Variants in BIVM observed in about 807,000 individuals in gnomAD.
BIVM encodes basic immunoglobulin-like variable motif-containing protein.
Under a neutral mutation model 61.4 loss-of-function variants are expected in BIVM, and 31 were observed. That is an observed-to-expected ratio of 0.51 (90% CI 0.38 to 0.68). The LOEUF (loss-of-function observed/expected upper bound fraction) is 0.68. Among genes scored for constraint, BIVM ranks in the 30% least tolerant of loss-of-function variants. The pLI, the probability that BIVM is intolerant of heterozygous loss-of-function variation, is 0.00. For synonymous variants in BIVM, 189 were observed against 210.7 expected, an observed-to-expected ratio of 0.90 and a Z score of 0.89; for missense variants, 526 against 596.0, an observed-to-expected ratio of 0.88 and a Z score of 1.22.
At chr13:102,799,792 G>A (rs529772891) in intron 1 of BIVM, among the ~76,000 whole-genome samples, 2 of 152,362 alleles carry the variant, frequency 1.3e-5, no homozygotes, top group Middle Eastern at 3.4e-3. Context: ...TGTCGCGGGG[G>A]GAAGAGAAGC....
intron 3 of BIVM, among the ~76,000 whole-genome samples, chr13:102,816,136 TG>T (rs1168857556): frequency 6.6e-6 from 1 of 152,218 alleles, no homozygotes; most frequent in Non-Finnish European, 1.5e-5. Context: ...GCTCTGGAAT[TG>T]GAGTATAAGA....
Position 102,816,426 on chromosome 13 carries a change from A to G in BIVM, c.479-2A>G. 1 of 1,575,842 alleles carries G rather than the reference A, an allele frequency of 6.3e-7. No individual in the cohort carries two copies. The highest frequency in any genetic ancestry group is 8.6e-7 in the Non-Finnish European group (1 of 1,166,798). On this transcript the variant is annotated splice_acceptor_variant, in intron 3 of 10. Coordinates refer to ENST00000257336, the MANE Select transcript of BIVM (RefSeq NM_017693.4). LOFTEE classifies it high-confidence loss of function. ...TGCTTATTTTATACTCTTGTATTCTAGGCAATGCAAAGAAACAAGTTTCCA... is the reference window on the plus strand; with the variant it reads ...TGCTTATTTTATACTCTTGTATTCTGGGCAATGCAAAGAAACAAGTTTCCA...
At chr13:102,816,842 C>T (rs559161156) in intron 4 of BIVM, 21 of 172,894 alleles carry the variant, frequency 1.2e-4, no homozygotes, top group African/African-American at 4.5e-4. Context: ...TAGTTAAATA[C>T]TTAGCTTTTC....
At chr13:102,837,329 C>T (rs1881546613) in intron 9 of BIVM, among the ~76,000 whole-genome samples, 1 of 152,130 alleles carries the variant, frequency 6.6e-6, no homozygotes, top group Non-Finnish European at 1.5e-5. Context: ...GACATCATAA[C>T]AACATGGACT....
chr13:102,807,313 G>A lies in BIVM; in HGVS notation c.46G>A (p.Gly16Ser), dbSNP rs779627676. The A allele has an allele frequency of 3.1e-6, 5 of 1,613,566 alleles. No individual in the cohort carries two copies. In the South Asian group the frequency reaches 5.5e-5, roughly 18 times the overall value. Residue 16 changes from glycine (G) to serine (S), a missense_variant, in exon 3 of 11, where the codon GGT becomes AGT. This residue lies in a region of BIVM where 312 missense variants were observed against 343.8 expected (regional missense o/e 0.91). Transcript: ENST00000257336. This position sits in a 1 kb window ranked among gnomAD's most constrained non-coding sequence, Gnocchi z 4.0. ...ETERSNDSGNGEHKSERKSPE... is the reference protein window; with the variant it reads ...ETERSNDSGNSEHKSERKSPE... ...AGAAAGGTCAAATGATTCTGGAAAT[G>A]GTGAGCACAAATCTGAGAGAAAGTC...
At chr13:102,809,824 CG>C (rs1485512552) in intron 3 of BIVM, among the ~76,000 whole-genome samples, 1 of 146,986 alleles carries the variant, frequency 6.8e-6, no homozygotes, top group Admixed American at 6.9e-5. Context: ...CTCGCTCTGT[CG>C]CCCAGGCTGG....
intron 9 of BIVM, among the ~76,000 whole-genome samples, chr13:102,837,623 G>T (rs73588058): frequency 1.3e-5 from 2 of 152,114 alleles, no homozygotes; most frequent in African/African-American, 4.8e-5. Flanking sequence ...GGTACAATTC[G>T]CAGTTGCAAA....
intron 9 of BIVM, among the ~76,000 whole-genome samples, chr13:102,836,943 G>A (rs944111016): frequency 2.6e-5 from 4 of 152,146 alleles, no homozygotes; most frequent in Non-Finnish European, 5.9e-5. Context: ...TTTAGAATTT[G>A]TCCTTTTAAT....
intron 1 of BIVM, among the ~76,000 whole-genome samples, chr13:102,804,804 A>G (rs1476378738): frequency 6.6e-6 from 1 of 152,216 alleles, no homozygotes; most frequent in Non-Finnish European, 1.5e-5. Context: ...CTTTAAAAGT[A>G]AAGAAAATGG....
intron 9 of BIVM, 146 bp from the exon 10 acceptor site, chr13:102,838,497 T>C: frequency 3.2e-6 from 2 of 631,200 alleles, no homozygotes; most frequent in South Asian, 2.7e-5. Flanking sequence ...TATTACAGTT[T>C]AGTAGATGAA....
At chr13:102,838,808 T>A in intron 10 of BIVM, 69 bp downstream of exon 10, 2 of 1,417,732 alleles carry the variant, frequency 1.4e-6, no homozygotes, top group Non-Finnish European at 9.7e-7. Context: ...TACTTAGCAC[T>A]CTTTAGGTTG....
chr13:102,807,778 A>C lies in BIVM; in HGVS notation c.478+33A>C. ...GGGAGCCATGAAGTTCATATGTGAA[A>C]ATAATGAGAAAACAAACACTATGTC... On this transcript the variant is annotated intron_variant, in intron 3 of 10. Coordinates refer to ENST00000257336, the MANE Select transcript of BIVM (RefSeq NM_017693.4). This position sits in a 1 kb window ranked among gnomAD's most constrained non-coding sequence, Gnocchi z 4.0. The C allele has an allele frequency of 1.3e-6, 2 of 1,555,184 alleles. No individual in the cohort carries two copies. The highest frequency in any genetic ancestry group is 3.5e-4 in the Middle Eastern group (2 of 5,762).
At chr13:102,839,214 A>G (rs1188799481) in intron 10 of BIVM, among the ~76,000 whole-genome samples, 2 of 152,210 alleles carry the variant, frequency 1.3e-5, no homozygotes, top group African/African-American at 2.4e-5. Context: ...CTCTCAGGAA[A>G]TGATATCTTA....
intron 3 of BIVM, among the ~76,000 whole-genome samples, chr13:102,815,387 C>A (rs963117758): frequency 6.6e-6 from 1 of 152,020 alleles, no homozygotes; most frequent in African/African-American, 2.4e-5. Flanking sequence ...AGTATTTGAG[C>A]ATAGCTATCT....
rs147868772 is a variant in BIVM at position 102,804,606 on chromosome 13, C to T, written c.-206-701C>T. ...GATTACAGGTGTGAGCCACTGCACC[C>T]GGCCCTTACTGTCTGGCTAATTTTT... On this transcript the variant is annotated intron_variant, in intron 1 of 10. Transcript: ENST00000257336. Among the ~76,000 whole-genome samples the T allele has an allele frequency of 5.9e-5, 9 of 151,772 alleles. No homozygotes were observed. The South Asian group carries it at 8.4e-4, about 14-fold the overall frequency.
chr13:102,805,329 C>T lies in BIVM; in HGVS notation c.-184C>T, dbSNP rs1878992208. On this transcript the variant is annotated 5_prime_UTR_variant, in exon 2 of 11. Coordinates refer to ENST00000257336, the MANE Select transcript of BIVM (RefSeq NM_017693.4). ...AAGGAATCAGTTTAGACTTGAAATT[C>T]AGTTTTTCCTGAAACTGATCAGAAG... The T allele has an allele frequency of 1.3e-5, 2 of 152,180 alleles. No homozygotes were observed. Among genetic ancestry groups the T allele is most frequent in the Non-Finnish European group, 2.9e-5 (2 of 68,042 alleles). 9.4% of individuals were successfully genotyped at this position (152,180 alleles called of 1,614,324 possible).
chr13:102,829,457 A>T (rs940320946), intron 7 of BIVM, among the ~76,000 whole-genome samples: 1 of 152,154 alleles, frequency 6.6e-6, no homozygotes, highest in Non-Finnish European at 1.5e-5. Context: ...ACTCAACTTC[A>T]TTCTGAATTT....
rs116099631 is a variant in BIVM, at chr13:102,803,950, G to A, written c.-206-1357G>A. Reference sequence around the variant, plus strand: ...TGCCATCACCGTTGCACCACCAGATGAATAAGGAGAGAGCACCACTTCCAC... The same window carrying A: ...TGCCATCACCGTTGCACCACCAGATAAATAAGGAGAGAGCACCACTTCCAC... On this transcript the variant is annotated intron_variant, in intron 1 of 10. Transcript: ENST00000257336. Among the ~76,000 whole-genome samples, 727 of 152,308 alleles carry A rather than the reference G, an allele frequency of 4.8e-3. 6 individuals are homozygous for A. Among genetic ancestry groups the A allele is most frequent in the African/African-American group, 0.016 (669 of 41,562 alleles).
chr13:102,823,236 T>C (rs1034455766), intron 7 of BIVM, among the ~76,000 whole-genome samples: 2 of 152,146 alleles, frequency 1.3e-5, no homozygotes, highest in African/African-American at 2.4e-5. Context: ...GGGTATATGG[T>C]TTACCAAGGT....
Sources: allele counts gnomAD v4.1 joint callset (sites outside exome capture counted in the v4.1 genomes callset), GRCh38; gene constraint gnomAD v4.1.1; regional missense constraint gnomAD v4.1.1; non-coding constraint Gnocchi (gnomAD v3.1); transcripts MANE v1.5; gene names NCBI Gene and HGNC (gene_info 2026-07-23, HGNC 2026-07-21).